PTPRD: variants seen among roughly 807,000 people sequenced by gnomAD.
PTPRD encodes receptor-type tyrosine-protein phosphatase delta.
PTPRD carries 34 observed loss-of-function variants against 214.5 expected under a neutral mutation model. The ratio of observed to expected loss-of-function variants is 0.16; its 90% CI spans 0.12 to 0.21. PTPRD has a LOEUF of 0.21. Ranked by LOEUF, PTPRD falls within the 10% of genes least tolerant of loss-of-function variation. The pLI, the probability that PTPRD is intolerant of heterozygous loss-of-function variation, is 1.00. For missense variants in PTPRD, 2,545 were observed against 2,398.7 expected (o/e 1.06, Z -1.27); for synonymous variants, 1,128 against 845.7 (o/e 1.33, Z -5.79).
rs1016210247 is a variant in PTPRD, at chr9:8,559,378, A to G, written c.353-30599T>C. On this transcript the variant is annotated intron_variant, in intron 14 of 45. Transcript: ENST00000381196. ...CACATATACCTCTCAAATATGAACTATATCAATTTAAAAATTCAAATGTTC... is the reference window on the plus strand; with the variant it reads ...CACATATACCTCTCAAATATGAACTGTATCAATTTAAAAATTCAAATGTTC... Among the ~76,000 whole-genome samples the G allele has an allele frequency of 2.0e-5, 3 of 152,340 alleles. No individual in the cohort carries two copies. The East Asian group carries it at 5.8e-4, about 29-fold the overall frequency.
At chr9:8,476,823 G>A (rs1446679986) in intron 30 of PTPRD, among the ~76,000 whole-genome samples, 1 of 152,096 alleles carries the variant, frequency 6.6e-6, no homozygotes, top group African/African-American at 2.4e-5. Context: ...CCTAAGTCAG[G>A]CAGTCAAAAA....
At chr9:9,887,760 G>T (rs941939769) in intron 5 of PTPRD, among the ~76,000 whole-genome samples, 1 of 152,046 alleles carries the variant, frequency 6.6e-6, no homozygotes, top group African/African-American at 2.4e-5. Flanking sequence ...TTCAGGAGTA[G>T]AAAGTTTTAC....
intron 5 of PTPRD, among the ~76,000 whole-genome samples, chr9:9,837,378 G>A (rs928681012): frequency 2.6e-5 from 4 of 152,082 alleles, no homozygotes; most frequent in African/African-American, 9.7e-5. Context: ...CTATTGCATG[G>A]CTAATGTTCT....
chr9:10,478,807 A>T (rs2099079122), intron 2 of PTPRD, among the ~76,000 whole-genome samples: 2 of 151,768 alleles, frequency 1.3e-5, no homozygotes, highest in South Asian at 4.1e-4. Flanking sequence ...TTGCCTATGG[A>T]TCTGAATGTT....
chr9:8,491,223 G>C (rs2097142620), intron 27 of PTPRD, among the ~76,000 whole-genome samples: 1 of 152,150 alleles, frequency 6.6e-6, no homozygotes. Context: ...TGATTAAGAA[G>C]GATCTAAAAT....
intron 5 of PTPRD, among the ~76,000 whole-genome samples, chr9:9,821,317 T>C (rs1285122435): frequency 6.6e-6 from 1 of 152,180 alleles, no homozygotes; most frequent in Non-Finnish European, 1.5e-5. Context: ...ACCACTGAAA[T>C]GTCAAATGTA....
At chr9:9,618,467 T>G (rs1039276327) in intron 7 of PTPRD, among the ~76,000 whole-genome samples, 1 of 151,410 alleles carries the variant, frequency 6.6e-6, no homozygotes, top group Non-Finnish European at 1.5e-5. Flanking sequence ...ATGAGAAGAG[T>G]TGAGAACATG....
At chr9:10,265,393 C>T (rs1300734609) in intron 3 of PTPRD, among the ~76,000 whole-genome samples, 10 of 152,140 alleles carry the variant, frequency 6.6e-5, no homozygotes, top group South Asian at 2.1e-4. Context: ...TTGGCCCACC[C>T]GCCAGCTGAC....
At chr9:10,554,653 T>A (rs879125354) in intron 2 of PTPRD, among the ~76,000 whole-genome samples, 1 of 124,774 alleles carries the variant, frequency 8.0e-6, no homozygotes, top group South Asian at 2.5e-4. Context: ...TTTCTTTTTT[T>A]AATTTTTTTT....
intron 3 of PTPRD, among the ~76,000 whole-genome samples, chr9:10,186,758 C>A (rs530161506): frequency 1.3e-5 from 2 of 152,198 alleles, no homozygotes; most frequent in East Asian, 1.9e-4. Flanking sequence ...AGAGCCTAGA[C>A]TACTGTCACA....
At chr9:10,418,077 T>A (rs12684831) in intron 2 of PTPRD, among the ~76,000 whole-genome samples, 6,544 of 151,886 alleles carry the variant, frequency 0.043, 206 homozygotes, top group East Asian at 0.092. Context: ...TTTAGATTTT[T>A]TTAAATTAAA....
intron 11 of PTPRD, among the ~76,000 whole-genome samples, chr9:8,782,543 AC>A (rs1455637889): frequency 6.6e-6 from 1 of 151,712 alleles, no homozygotes; most frequent in African/African-American, 2.4e-5. Flanking sequence ...TGGGAAGGGA[AC>A]CCTCAACCTA....
intron 11 of PTPRD, among the ~76,000 whole-genome samples, chr9:8,982,556 A>G (rs368265249): frequency 1.3e-5 from 2 of 151,428 alleles, no homozygotes. Context: ...AAAAAAAAAG[A>G]GAATGAAAAT....
intron 3 of PTPRD, among the ~76,000 whole-genome samples, chr9:10,069,216 G>T (rs2097944542): frequency 6.6e-6 from 1 of 151,964 alleles, no homozygotes; most frequent in Non-Finnish European, 1.5e-5. Context: ...AATAGACACA[G>T]GCTGGAGATG....
intron 2 of PTPRD, among the ~76,000 whole-genome samples, chr9:10,484,720 A>AT (rs1378585592): frequency 3.3e-5 from 5 of 151,838 alleles, no homozygotes; most frequent in Non-Finnish European, 5.9e-5. Context: ...AGATTATTAT[A>AT]TTTTTTCCTA....
At chr9:10,393,849 A>G (rs916126401) in intron 2 of PTPRD, among the ~76,000 whole-genome samples, 9 of 148,616 alleles carry the variant, frequency 6.1e-5, no homozygotes, top group Admixed American at 5.4e-4. Flanking sequence ...AATGCCACCT[A>G]ACCATAGAAT....
At chr9:10,375,624 C>T (rs1254727521) in intron 2 of PTPRD, among the ~76,000 whole-genome samples, 1 of 151,998 alleles carries the variant, frequency 6.6e-6, no homozygotes, top group Non-Finnish European at 1.5e-5. Flanking sequence ...AAAACTGGCA[C>T]ATTATTGCTT....
intron 10 of PTPRD, among the ~76,000 whole-genome samples, chr9:9,153,122 T>A (rs1054106301): frequency 1.3e-5 from 2 of 152,344 alleles, no homozygotes; most frequent in Non-Finnish European, 2.9e-5. Context: ...CTCCTGTGCG[T>A]TCACGAAATG....
chr9:9,447,213 C>G (rs1272408279), intron 8 of PTPRD, among the ~76,000 whole-genome samples: 1 of 152,076 alleles, frequency 6.6e-6, no homozygotes, highest in Non-Finnish European at 1.5e-5. Flanking sequence ...GACACATGCA[C>G]ATGTATGTTC....
Sources: allele counts gnomAD v4.1 joint callset (sites outside exome capture counted in the v4.1 genomes callset), GRCh38; gene constraint gnomAD v4.1.1; transcripts MANE v1.5; gene names NCBI Gene and HGNC (gene_info 2026-07-23, HGNC 2026-07-21).